The following GPC5 variants were observed in gnomAD, a reference collection of about 807,000 sequenced individuals.
GPC5 encodes the protein glypican 5.
A neutral mutation model predicts 53.9 loss-of-function variants in GPC5; 47 were observed. The observed-to-expected ratio is 0.87, with a 90% CI of 0.69 to 1.11. GPC5 has a LOEUF of 1.11. Among genes scored for constraint, GPC5 ranks in the 50% most tolerant of loss-of-function variants. The probability of loss-of-function intolerance (pLI) is 0.00; values close to 1 mark genes in which losing one functional copy is unlikely to be tolerated. For synonymous variants in GPC5, 286 were observed against 263.3 expected, an observed-to-expected ratio of 1.09 and a Z score of -0.84; for missense variants, 748 against 713.1, an observed-to-expected ratio of 1.05 and a Z score of -0.56.
At chr13:91,809,824 A>G (rs1270877915) in intron 5 of GPC5, among the ~76,000 whole-genome samples, 2 of 152,086 alleles carry the variant, frequency 1.3e-5, no homozygotes, top group African/African-American at 2.4e-5. Flanking sequence ...TATGTGACAT[A>G]TAAGGTAAAA....
At chr13:92,439,034 C>T (rs1454442125) in intron 7 of GPC5, among the ~76,000 whole-genome samples, 1 of 152,078 alleles carries the variant, frequency 6.6e-6, no homozygotes, top group Non-Finnish European at 1.5e-5. Context: ...CTAGAGAAAT[C>T]CATGTGACAA....
intron 2 of GPC5, among the ~76,000 whole-genome samples, chr13:91,576,459 CAACTT>C (rs2032140629): frequency 6.6e-6 from 1 of 151,974 alleles, no homozygotes; most frequent in Non-Finnish European, 1.5e-5. Flanking sequence ...ACAACTAAAA[CAACTT>C]AAAGTAAGTA....
chr13:92,571,558 A>T (rs1883022297), intron 7 of GPC5, among the ~76,000 whole-genome samples: 2 of 152,182 alleles, frequency 1.3e-5, no homozygotes, highest in South Asian at 4.1e-4. Flanking sequence ...TGGCAGATTC[A>T]TTTGGAATAT....
intron 7 of GPC5, among the ~76,000 whole-genome samples, chr13:92,352,439 A>G (rs375729626): frequency 1.3e-5 from 2 of 152,212 alleles, no homozygotes; most frequent in Admixed American, 6.5e-5. Context: ...CTAGGTTACA[A>G]ACTTGGATAA....
chr13:92,512,282 C>T lies in GPC5; in HGVS notation c.1562-354000C>T, dbSNP rs139005978. ...CGCGCGCGTACGCTGTGTGCATGCA[C>T]GCTCATGGTAACACATATTTTTTAC... is the stretch of plus-strand genomic sequence containing the variant. On this transcript the variant is annotated intron_variant, in intron 7 of 7. Transcript: ENST00000377067. Among the ~76,000 whole-genome samples the T allele has an allele frequency of 2.6e-3, 401 of 152,036 alleles. 1 individual carries two copies. The highest frequency in any genetic ancestry group is 8.7e-3 in the African/African-American group (359 of 41,488).
chr13:91,665,509 T>TTTTTTTTTTTCTTTTC (rs1356877079), intron 2 of GPC5, among the ~76,000 whole-genome samples: 11 of 151,596 alleles, frequency 7.3e-5, no homozygotes, highest in African/African-American at 2.2e-4. Context: ...GCCAGTCTTT[T>TTTTTTTTTTTCTTTTC]TTTTTTCTTT....
chr13:91,548,716 C>T (rs1367332412), intron 2 of GPC5, among the ~76,000 whole-genome samples: 4 of 152,094 alleles, frequency 2.6e-5, no homozygotes, highest in Non-Finnish European at 5.9e-5. Flanking sequence ...TCTATAAAGC[C>T]ACAATAAGGC....
chr13:92,351,729 G>A (rs1368508450), intron 7 of GPC5, among the ~76,000 whole-genome samples: 1 of 152,000 alleles, frequency 6.6e-6, no homozygotes, highest in Non-Finnish European at 1.5e-5. Context: ...AAACTAGAAA[G>A]TTTAATTAAA....
chr13:91,593,911 T>TAA (rs200209278), intron 2 of GPC5, among the ~76,000 whole-genome samples: 9 of 113,444 alleles, frequency 7.9e-5, no homozygotes, highest in African/African-American at 2.3e-4. Context: ...CACAAAGAAC[T>TAA]AAAAAAAAAA....
intron 7 of GPC5, among the ~76,000 whole-genome samples, chr13:92,539,684 A>G (rs1191452041): frequency 1.3e-5 from 2 of 151,070 alleles, no homozygotes; most frequent in Non-Finnish European, 3.0e-5. Flanking sequence ...TCCCTTTCCA[A>G]CCTTCCCCTT....
chr13:92,292,104 G>A (rs9523602), intron 7 of GPC5, among the ~76,000 whole-genome samples: 10,202 of 152,282 alleles, frequency 0.067, 392 homozygotes, highest in Non-Finnish European at 0.086. Flanking sequence ...ATTTGGGTTG[G>A]TTCCACATTT....
rs560601076 is a variant in GPC5, at chr13:92,011,744, A to C, written c.1401+103687A>C. 2.0e-5 allele frequency among the ~76,000 whole-genome samples: 3 copies of C among 152,302 alleles called. No individual in the cohort carries two copies. In the East Asian group the frequency reaches 5.8e-4, roughly 29 times the overall value. The stretch of plus-strand genomic sequence containing the variant: ...AAAAATCATTTATATATAAAGTGCT[A>C]GTTTGGTATCTTCAGTGAATAAAGT... On this transcript the variant is annotated intron_variant, in intron 6 of 7. Transcript: ENST00000377067.
At chr13:92,348,341 A>T (rs1003849875) in intron 7 of GPC5, among the ~76,000 whole-genome samples, 36 of 152,050 alleles carry the variant, frequency 2.4e-4, no homozygotes, top group Non-Finnish European at 2.8e-4. Flanking sequence ...GCATAAGAAC[A>T]TCATATGATA....
intron 6 of GPC5, among the ~76,000 whole-genome samples, chr13:91,953,073 C>T (rs1312792366): frequency 1.3e-5 from 2 of 152,202 alleles, no homozygotes; most frequent in East Asian, 3.9e-4. Context: ...AATCTTAAAA[C>T]TTTGCCACTA....
intron 7 of GPC5, among the ~76,000 whole-genome samples, chr13:92,361,108 T>C (rs960252600): frequency 6.6e-6 from 1 of 151,726 alleles, no homozygotes; most frequent in African/African-American, 2.4e-5. Flanking sequence ...GAATCTGCCA[T>C]TTACTTAAGG....
chr13:92,096,267 A>G (rs927877648), intron 6 of GPC5, among the ~76,000 whole-genome samples: 3 of 152,216 alleles, frequency 2.0e-5, no homozygotes, highest in East Asian at 1.9e-4. Flanking sequence ...GGGTTTTCCT[A>G]TAACTATCTC....
At chr13:92,003,595 C>CA (rs1200459631) in intron 6 of GPC5, among the ~76,000 whole-genome samples, 4 of 152,058 alleles carry the variant, frequency 2.6e-5, no homozygotes, top group African/African-American at 9.7e-5. Context: ...CTAAATTGTA[C>CA]ATTAGATGAA....
At chr13:92,251,692 T>C (rs1345963524) in intron 7 of GPC5, among the ~76,000 whole-genome samples, 1 of 152,162 alleles carries the variant, frequency 6.6e-6, no homozygotes, top group Admixed American at 6.6e-5. Flanking sequence ...AATGACAATG[T>C]CTTTTTCCTT....
chr13:91,477,844 A>G (rs561067138), intron 2 of GPC5, among the ~76,000 whole-genome samples: 1 of 152,164 alleles, frequency 6.6e-6, no homozygotes, highest in Non-Finnish European at 1.5e-5. Flanking sequence ...TCCAGGCACA[A>G]GGGAGAGTTA....
Sources: gnomAD v4.1 joint callset for allele counts (sites outside exome capture counted in the v4.1 genomes callset) on GRCh38, gnomAD v4.1.1 for gene constraint, MANE v1.5 for transcripts, NCBI Gene and HGNC (gene_info 2026-07-23, HGNC 2026-07-21) for gene names.